ZNF782: variants seen among roughly 807,000 people sequenced by gnomAD.
ZNF782 encodes the protein zinc finger protein 782.
Under a neutral mutation model 13.0 loss-of-function variants are expected in ZNF782, and 12 were observed. That is an observed-to-expected ratio of 0.92 (90% CI 0.59 to 1.50). ZNF782 has a LOEUF of 1.50. Ranked by LOEUF, ZNF782 falls within the 40% of genes most tolerant of loss-of-function variation. The pLI, the probability that ZNF782 is intolerant of heterozygous loss-of-function variation, is 0.00. For synonymous variants in ZNF782, 284 were observed against 283.0 expected (o/e 1.00, Z -0.04); for missense variants, 770 against 822.9 (o/e 0.94, Z 0.79).
At chr9:96,857,790 T>A (rs1241236652), upstream of ZNF782, among the ~76,000 whole-genome samples, 1 of 152,260 alleles carries the variant, frequency 6.6e-6, no homozygotes. Flanking sequence ...TTTTAAAGGT[T>A]ACATTGTGCA....
chr9:96,880,660 CTTTT>C, the ZNF782 span, among the ~76,000 whole-genome samples: 5 of 152,118 alleles, frequency 3.3e-5, no homozygotes, highest in South Asian at 2.1e-4. Context: ...GTGTATCTTT[CTTTT>C]TATGTATTAA....
intron 4 of ZNF782, among the ~76,000 whole-genome samples, chr9:96,836,290 G>A (rs1302031191): frequency 6.7e-6 from 1 of 148,534 alleles, no homozygotes; most frequent in Non-Finnish European, 1.5e-5. Flanking sequence ...TCAGCTCACT[G>A]CAATCTCCAC....
the ZNF782 span, among the ~76,000 whole-genome samples, chr9:96,909,331 T>C: frequency 6.6e-6 from 1 of 151,622 alleles, no homozygotes; most frequent in East Asian, 1.9e-4. Context: ...AGAATAGGGA[T>C]ATGGTAAGAA....
the ZNF782 span, chr9:96,887,759 G>T: frequency 5.9e-5 from 9 of 152,144 alleles, no homozygotes; most frequent in East Asian, 1.7e-3. Flanking sequence ...CAAAGACTTG[G>T]AACCAACCTA....
In ZNF782 at chr9:96,860,659, T is replaced by C. The variant is rs541531979; in HGVS notation, c.-380-245A>G. Among the ~76,000 whole-genome samples the C allele has an allele frequency of 2.0e-5, 3 of 152,276 alleles. No homozygotes were observed. The East Asian group carries it at 5.8e-4, about 29-fold the overall frequency. On this transcript the variant is annotated intron_variant, in intron 2 of 5. Transcript: ENST00000498811. ...ACCCTGAGCAAAAAACAAACAAAAC[T>C]GGAGGAATCACATTATCTTATTTCA...
chr9:96,917,932 A>ACCACCACCCT, the ZNF782 span, among the ~76,000 whole-genome samples: 1 of 121,946 alleles, frequency 8.2e-6, no homozygotes, highest in African/African-American at 4.6e-5. Flanking sequence ...GTGTGTGTAG[A>ACCACCACCCT]TGGGGGTCTG....
the ZNF782 span, among the ~76,000 whole-genome samples, chr9:96,915,323 T>C: frequency 1.3e-5 from 2 of 151,968 alleles, no homozygotes; most frequent in East Asian, 1.9e-4. Flanking sequence ...ATAGCATTAT[T>C]TTCTAAAGCA....
Position 96,854,174 on chromosome 9 carries a change from T to C in ZNF782, c.-348A>G, listed in dbSNP as rs1318378069. The C allele has an allele frequency of 6.6e-6, 1 of 152,304 alleles. No individual in the cohort carries two copies. Among genetic ancestry groups the C allele is most frequent in the Admixed American group, 6.5e-5 (1 of 15,288 alleles). The allele number at this position is 152,304 out of a possible 1,614,324, so 9.4% of individuals were successfully genotyped here. On this transcript the variant is annotated 5_prime_UTR_variant, in exon 1 of 6. Coordinates refer to ENST00000481138, the MANE Select transcript of ZNF782 (RefSeq NM_001001662.3). ...GGCACGTTGTCGCCCGCGTTACAAA[T>C]GCGCTTTCCCCACCCCCGCCGCCGC... is the stretch of plus-strand genomic sequence containing the variant.
the ZNF782 span, among the ~76,000 whole-genome samples, chr9:96,925,164 G>A: frequency 1.2e-4 from 19 of 152,304 alleles, no homozygotes; most frequent in African/African-American, 3.4e-4. Flanking sequence ...GAGGGCGGCC[G>A]GCTGCGCGCT....
chr9:96,902,623 CT>C, the ZNF782 span, among the ~76,000 whole-genome samples: 1 of 135,044 alleles, frequency 7.4e-6, no homozygotes, highest in South Asian at 2.4e-4. Flanking sequence ...CTCACTATAA[CT>C]TTTTTCTTTT....
At chr9:96,885,213 C>T in the ZNF782 span, among the ~76,000 whole-genome samples, 8 of 152,046 alleles carry the variant, frequency 5.3e-5, no homozygotes, top group African/African-American at 1.2e-4. Flanking sequence ...CAAGGGTTTT[C>T]GGGCAGCTAT....
chr9:96,882,546 A>C, the ZNF782 span, among the ~76,000 whole-genome samples: 1 of 152,174 alleles, frequency 6.6e-6, no homozygotes, highest in Non-Finnish European at 1.5e-5. Flanking sequence ...TTTATTATAA[A>C]TGTACTCCCA....
At chr9:96,898,575 C>G in the ZNF782 span, among the ~76,000 whole-genome samples, 2 of 148,480 alleles carry the variant, frequency 1.3e-5, no homozygotes, top group African/African-American at 5.1e-5. Flanking sequence ...GAGACACAGT[C>G]TCCCTCTATT....
At chr9:96,903,861 C>T in the ZNF782 span, among the ~76,000 whole-genome samples, 1 of 151,834 alleles carries the variant, frequency 6.6e-6, no homozygotes, top group Non-Finnish European at 1.5e-5. Context: ...CGCACCCGGC[C>T]ATAACTTTTC....
chr9:96,872,883 G>T (rs573835119), intron 1 of ZNF782, among the ~76,000 whole-genome samples: 1 of 152,150 alleles, frequency 6.6e-6, no homozygotes, highest in African/African-American at 2.4e-5. Flanking sequence ...ACACCAAAGA[G>T]AAAGGATTCC....
the ZNF782 span, among the ~76,000 whole-genome samples, chr9:96,917,900 G>GTC: frequency 6.7e-6 from 1 of 148,678 alleles, no homozygotes; most frequent in Non-Finnish European, 1.5e-5. Flanking sequence ...GTGTGTGTGT[G>GTC]TGTGTGTGTG....
rs765332563 is a variant in ZNF782, at chr9:96,818,923, T to TA, written c.1099_1100insT (p.Glu367ValfsTer3). The TA allele has an allele frequency of 2.5e-6, 4 of 1,614,250 alleles. No homozygotes were observed. The South Asian group carries it at 4.4e-5, about 18-fold the overall frequency. On this transcript the variant is annotated frameshift_variant, in exon 6 of 6. Transcript: ENST00000481138. LOFTEE classifies it low-confidence loss of function (END_TRUNC). ...GCAGGATTTCCCACATTCATTATAC[T>TA]CATAGGGTTTTGCCCTTATGTGAAC... is the stretch of plus-strand genomic sequence containing the variant.
the ZNF782 span, among the ~76,000 whole-genome samples, chr9:96,903,688 G>A: frequency 1.4e-4 from 20 of 142,156 alleles, no homozygotes; most frequent in South Asian, 3.6e-3. Context: ...TCAGCCTCCC[G>A]AGTAGCTGTG....
the ZNF782 span, among the ~76,000 whole-genome samples, chr9:96,911,747 C>T: frequency 3.6e-4 from 54 of 151,786 alleles, no homozygotes; most frequent in East Asian, 7.2e-3. Context: ...GTCTCCATCT[C>T]CTGACCTCGT....
Sources: gnomAD v4.1 joint callset for allele counts (sites outside exome capture counted in the v4.1 genomes callset) on GRCh38, gnomAD v4.1.1 for gene constraint, MANE v1.5 for transcripts, NCBI Gene and HGNC (gene_info 2026-07-23, HGNC 2026-07-21) for gene names.